The following PSD3 variants were observed in gnomAD, a reference collection of about 807,000 sequenced individuals.
PSD3 encodes pleckstrin and Sec7 domain containing 3.
In PSD3, 49 loss-of-function variants were observed where a neutral mutation model predicts 105.5. The observed-to-expected ratio is 0.46, with a 90% CI of 0.37 to 0.59. The LOEUF (loss-of-function observed/expected upper bound fraction) is 0.59. PSD3 is among the 20% of genes least tolerant of loss of function. The pLI is 0.00. For missense variants in PSD3, 1,561 were observed against 1,263.8 expected (o/e 1.24, Z -3.57); for synonymous variants, 557 against 457.8 (o/e 1.22, Z -2.77).
intron 1 of PSD3, among the ~76,000 whole-genome samples, chr8:19,056,956 G>C (rs1489372479): frequency 6.6e-6 from 1 of 152,136 alleles, no homozygotes; most frequent in African/African-American, 2.4e-5. Flanking sequence ...TAAGAAAATA[G>C]AAGCTGTCTG....
intron 1 of PSD3, among the ~76,000 whole-genome samples, chr8:18,960,494 A>G (rs915567591): frequency 7.9e-5 from 12 of 152,238 alleles, no homozygotes; most frequent in African/African-American, 2.9e-4. Context: ...CCAACAAAAA[A>G]CTGAATAAAA....
rs550774928 is a variant in PSD3 at position 18,534,277 on chromosome 8, T to G, written c.*1466A>C. ...ACTATTAGTTCTGAAGTTGTGCCACTTGCGGAGATTTTAACTTTAGGGATT... is the reference window on the plus strand; with the variant it reads ...ACTATTAGTTCTGAAGTTGTGCCACGTGCGGAGATTTTAACTTTAGGGATT... On this transcript the variant is annotated 3_prime_UTR_variant, in exon 16 of 16. Transcript: ENST00000327040. The G allele has an allele frequency of 6.6e-6, 1 of 152,570 alleles. No homozygotes were observed. The allele number at this position is 152,570 out of a possible 1,614,324, so 9.5% of individuals were successfully genotyped here.
Position 19,006,742 on chromosome 8 carries a change from T to A in PSD3, c.21+6821A>T, listed in dbSNP as rs1403984691. Among the ~76,000 whole-genome samples the A allele has an allele frequency of 2.6e-5, 4 of 152,102 alleles. No individual in the cohort carries two copies. The East Asian group carries it at 7.7e-4, about 29-fold the overall frequency. On this transcript the variant is annotated intron_variant, in intron 1 of 15. Coordinates refer to ENST00000327040, the MANE Select transcript of PSD3 (RefSeq NM_015310.4). ...ACCTTCACTTACCTATCTTTAAAAC[T>A]CAGCACAATCCTTGCCAATACAGAT...
intron 4 of PSD3, among the ~76,000 whole-genome samples, chr8:18,844,082 T>C (rs1814877299): frequency 6.6e-6 from 1 of 152,156 alleles, no homozygotes; most frequent in Non-Finnish European, 1.5e-5. Context: ...CAGCTGGCTC[T>C]ATGGGGTTCC....
intron 8 of PSD3, among the ~76,000 whole-genome samples, chr8:18,770,005 ATTATT>A (rs1807362069): frequency 6.6e-6 from 1 of 152,178 alleles, no homozygotes; most frequent in Non-Finnish European, 1.5e-5. Flanking sequence ...TAGGAGTGGG[ATTATT>A]GAGTCCTATG....
intron 1 of PSD3, among the ~76,000 whole-genome samples, chr8:19,056,422 T>C (rs1375530528): frequency 2.0e-5 from 3 of 152,160 alleles, no homozygotes; most frequent in African/African-American, 7.2e-5. Context: ...TGTACAATTA[T>C]AAAGAAAAAA....
chr8:18,891,341 T>A (rs1818768297), intron 2 of PSD3, among the ~76,000 whole-genome samples: 1 of 152,208 alleles, frequency 6.6e-6, no homozygotes, highest in Non-Finnish European at 1.5e-5. Flanking sequence ...AAACAATAAA[T>A]AAATGCGTTT....
chr8:18,537,193 A>G (rs1352687038), intron 15 of PSD3, among the ~76,000 whole-genome samples: 1 of 152,184 alleles, frequency 6.6e-6, no homozygotes, highest in African/African-American at 2.4e-5. Context: ...TTGAGTACCA[A>G]CAGCTTAACA....
chr8:18,610,854 T>C (rs1244434904), intron 11 of PSD3, among the ~76,000 whole-genome samples: 3 of 152,204 alleles, frequency 2.0e-5, no homozygotes, highest in African/African-American at 7.2e-5. Context: ...AACTGGGAGC[T>C]AGGCACTTAG....
chr8:18,782,474 A>C (rs1585968268), intron 8 of PSD3, among the ~76,000 whole-genome samples: 1 of 152,132 alleles, frequency 6.6e-6, no homozygotes, highest in East Asian at 1.9e-4. Flanking sequence ...CTCAGTGGAT[A>C]AAGCTGTGGC....
At chr8:19,001,167 T>C (rs558639729) in intron 1 of PSD3, among the ~76,000 whole-genome samples, 5 of 151,630 alleles carry the variant, frequency 3.3e-5, no homozygotes, top group South Asian at 4.2e-4. Context: ...TGATCACAAC[T>C]CACTGCAGCC....
intron 1 of PSD3, among the ~76,000 whole-genome samples, chr8:19,044,634 G>A (rs371877661): frequency 5.3e-5 from 8 of 152,174 alleles, no homozygotes; most frequent in South Asian, 2.1e-4. Context: ...GACTTTTAAC[G>A]CCAGGTAATT....
chr8:18,727,269 G>A (rs182774882), intron 9 of PSD3, among the ~76,000 whole-genome samples: 89 of 149,942 alleles, frequency 5.9e-4, no homozygotes, highest in African/African-American at 2.1e-3. Context: ...CCTGGGAGGC[G>A]GAGGTTGCAG....
intron 11 of PSD3, among the ~76,000 whole-genome samples, chr8:18,605,608 G>A (rs755477236): frequency 5.3e-4 from 80 of 152,106 alleles, no homozygotes; most frequent in Non-Finnish European, 6.6e-4. Context: ...CATGTGAGAA[G>A]GACATGATAT....
intron 4 of PSD3, among the ~76,000 whole-genome samples, chr8:18,845,286 G>T (rs1289822755): frequency 6.6e-6 from 1 of 152,184 alleles, no homozygotes; most frequent in African/African-American, 2.4e-5. Flanking sequence ...GAGAGGAACG[G>T]CTGTCATCTC....
At chr8:18,639,992 G>C (rs1294201010) in intron 10 of PSD3, among the ~76,000 whole-genome samples, 2 of 152,114 alleles carry the variant, frequency 1.3e-5, no homozygotes, top group Non-Finnish European at 1.5e-5. Context: ...CTCTAAGTCA[G>C]TAAATACAAG....
chr8:18,862,865 AAGG>A (rs1306336858), intron 4 of PSD3, among the ~76,000 whole-genome samples: 5 of 151,514 alleles, frequency 3.3e-5, no homozygotes, highest in African/African-American at 1.2e-4. Context: ...TCCATTTGAG[AAGG>A]AGGAGAAAGA....
chr8:18,957,533 G>C (rs925963564), intron 1 of PSD3, among the ~76,000 whole-genome samples: 1 of 496 alleles, frequency 2.0e-3, no homozygotes, highest in Non-Finnish European at 3.8e-3. Flanking sequence ...GTTCCCTCCA[G>C]TCACTAGCAT....
intron 11 of PSD3, among the ~76,000 whole-genome samples, chr8:18,614,405 C>G (rs980778448): frequency 7.9e-6 from 1 of 127,176 alleles, no homozygotes; most frequent in Non-Finnish European, 1.7e-5. Flanking sequence ...ACAAATATTA[C>G]CGGGAATTTT....
Sources: allele counts gnomAD v4.1 joint callset (sites outside exome capture counted in the v4.1 genomes callset), GRCh38; gene constraint gnomAD v4.1.1; transcripts MANE v1.5; gene names NCBI Gene and HGNC (gene_info 2026-07-23, HGNC 2026-07-21).